Variants in RUNX2 observed in about 807,000 individuals in gnomAD.
RUNX2 encodes the protein runt-related transcription factor 2.
In RUNX2, 10 loss-of-function variants were observed where a neutral mutation model predicts 51.7. That is an observed-to-expected ratio of 0.19 (90% CI 0.12 to 0.33). RUNX2 has a LOEUF of 0.33. Among genes scored for constraint, RUNX2 ranks in the 10% least tolerant of loss-of-function variants. RUNX2 has a pLI of 1.00. For missense variants in RUNX2, 562 were observed against 691.3 expected, an observed-to-expected ratio of 0.81 and a Z score of 2.10; for synonymous variants, 276 against 273.6, an observed-to-expected ratio of 1.01 and a Z score of -0.09.
chr6:45,494,702 A>C (rs1800594598), intron 6 of RUNX2, among the ~76,000 whole-genome samples: 1 of 152,128 alleles, frequency 6.6e-6, no homozygotes, highest in Non-Finnish European at 1.5e-5. Context: ...TTCTACTGTG[A>C]CCCAATTTTT....
At chr6:45,363,540 G>C (rs903250708) in intron 2 of RUNX2, among the ~76,000 whole-genome samples, 3 of 151,994 alleles carry the variant, frequency 2.0e-5, no homozygotes, top group Non-Finnish European at 4.4e-5. Context: ...GTAAATCAAT[G>C]AACCAGCTCT....
intron 5 of RUNX2, among the ~76,000 whole-genome samples, chr6:45,447,743 C>T (rs577240511): frequency 8.5e-5 from 13 of 152,212 alleles, no homozygotes; most frequent in African/African-American, 3.1e-4. Flanking sequence ...CTTATCATTC[C>T]TTCTTTCACC....
At chr6:45,390,686 T>G (rs1013783487) in intron 2 of RUNX2, among the ~76,000 whole-genome samples, 1 of 151,992 alleles carries the variant, frequency 6.6e-6, no homozygotes, top group Non-Finnish European at 1.5e-5. Flanking sequence ...ATTGGGTAAT[T>G]GAAAAGAATT....
At chr6:45,522,425 ATTAGGAAATT>A (rs1801534136) in intron 7 of RUNX2, among the ~76,000 whole-genome samples, 1 of 151,016 alleles carries the variant, frequency 6.6e-6, no homozygotes, top group Non-Finnish European at 1.5e-5. Flanking sequence ...AGCCATCTGC[ATTAGGAAATT>A]AAAAAAAAAC....
intron 5 of RUNX2, among the ~76,000 whole-genome samples, chr6:45,466,597 T>C (rs371311817): frequency 6.6e-6 from 1 of 152,222 alleles, no homozygotes; most frequent in Admixed American, 6.5e-5. Flanking sequence ...TTGACATCTC[T>C]TCACAGGTGG....
intron 6 of RUNX2, among the ~76,000 whole-genome samples, chr6:45,495,163 G>T (rs950776113): frequency 6.6e-6 from 1 of 152,202 alleles, no homozygotes; most frequent in Non-Finnish European, 1.5e-5. Flanking sequence ...AGGATACTGT[G>T]TATTCATCTT....
At chr6:45,379,646 C>G (rs1176058326) in intron 2 of RUNX2, among the ~76,000 whole-genome samples, 1 of 152,124 alleles carries the variant, frequency 6.6e-6, no homozygotes, top group African/African-American at 2.4e-5. Context: ...ACGGGCAGAT[C>G]ACAAGGTCAG....
At chr6:45,441,590 G>A (rs1274932793) in intron 5 of RUNX2, among the ~76,000 whole-genome samples, 1 of 152,160 alleles carries the variant, frequency 6.6e-6, no homozygotes, top group Non-Finnish European at 1.5e-5. Context: ...TCAGACGTTG[G>A]CTGTAGAGTT....
At chr6:45,517,192 T>C (rs530600950) in intron 7 of RUNX2, among the ~76,000 whole-genome samples, 1 of 152,208 alleles carries the variant, frequency 6.6e-6, no homozygotes. Context: ...ATAGATTTTT[T>C]TTTTTAAGAG....
intron 2 of RUNX2, among the ~76,000 whole-genome samples, chr6:45,393,862 G>A (rs962258954): frequency 1.3e-5 from 2 of 152,046 alleles, no homozygotes; most frequent in Non-Finnish European, 2.9e-5. Context: ...AGGTGAATAG[G>A]GGAGCCAGTT....
At chr6:45,466,175 G>C (rs1799624846) in intron 5 of RUNX2, among the ~76,000 whole-genome samples, 1 of 151,758 alleles carries the variant, frequency 6.6e-6, no homozygotes, top group African/African-American at 2.4e-5. Flanking sequence ...AATTAGCCGA[G>C]TGTGGTGGGC....
At chr6:45,513,387 C>G (rs1409817389) in intron 7 of RUNX2, 1 of 152,234 alleles carries the variant, frequency 6.6e-6, no homozygotes, top group Admixed American at 6.5e-5. Context: ...CAGGTTAATG[C>G]CTTTCTTTCT....
At chr6:45,502,946 T>C (rs1267579474) in intron 6 of RUNX2, among the ~76,000 whole-genome samples, 3 of 152,232 alleles carry the variant, frequency 2.0e-5, no homozygotes, top group African/African-American at 7.2e-5. Flanking sequence ...TTTTTCACAA[T>C]GTTCTAAACA....
At chr6:45,362,939 T>G (rs1325566650) in intron 2 of RUNX2, among the ~76,000 whole-genome samples, 1 of 152,066 alleles carries the variant, frequency 6.6e-6, no homozygotes, top group Non-Finnish European at 1.5e-5. Flanking sequence ...AGCTTTTAAT[T>G]TAATTTTTAA....
chr6:45,519,190 C>T (rs965411824), intron 7 of RUNX2, among the ~76,000 whole-genome samples: 2 of 152,132 alleles, frequency 1.3e-5, no homozygotes, highest in African/African-American at 4.8e-5. Flanking sequence ...AGTAGAAATG[C>T]ATGCGACATT....
At chr6:45,437,848 T>C (rs1293846341) in intron 4 of RUNX2, 99 bp from the exon 5 acceptor site, 1 of 880,390 alleles carries the variant, frequency 1.1e-6, no homozygotes, top group African/African-American at 1.7e-5. Context: ...ATTGCCTCCT[T>C]AGAGATGCTT....
intron 5 of RUNX2, among the ~76,000 whole-genome samples, chr6:45,460,177 A>C (rs571480365): frequency 6.6e-6 from 1 of 152,330 alleles, no homozygotes; most frequent in South Asian, 2.1e-4. Flanking sequence ...AAGAGGGCCA[A>C]GGACAGATCC....
intron 7 of RUNX2, among the ~76,000 whole-genome samples, chr6:45,537,685 C>A (rs558978954): frequency 1.3e-5 from 2 of 152,158 alleles, no homozygotes; most frequent in African/African-American, 4.8e-5. Context: ...TAGGGAAAAG[C>A]GACTGACTAG....
intron 2 of RUNX2, among the ~76,000 whole-genome samples, chr6:45,398,771 T>A (rs945607258): frequency 1.3e-5 from 2 of 152,238 alleles, no homozygotes; most frequent in Non-Finnish European, 2.9e-5. Flanking sequence ...ATAAGTGCCA[T>A]GTGGCATGTG....
Sources: allele counts gnomAD v4.1 joint callset (sites outside exome capture counted in the v4.1 genomes callset), GRCh38; gene constraint gnomAD v4.1.1; transcripts MANE v1.5; gene names NCBI Gene and HGNC (gene_info 2026-07-23, HGNC 2026-07-21).